The following FREM1 variants were observed in gnomAD, a reference collection of about 807,000 sequenced individuals.
FREM1 encodes the protein FRAS1-related extracellular matrix protein 1.
In FREM1, 220 loss-of-function variants were observed where a neutral mutation model predicts 210.1. The observed-to-expected ratio is 1.05, with a 90% confidence interval of 0.94 to 1.17. FREM1 has a LOEUF of 1.17. Ranked by LOEUF, FREM1 falls within the 50% of genes most tolerant of loss-of-function variation. The pLI is 0.00. For missense variants in FREM1, 3,454 were observed against 2,675.5 expected, an observed-to-expected ratio of 1.29 and a Z score of -6.42; for synonymous variants, 1,189 against 980.2, an observed-to-expected ratio of 1.21 and a Z score of -3.98.
chr9:14,880,723 A>G (rs1834646080), intron 1 of FREM1, among the ~76,000 whole-genome samples: 2 of 152,190 alleles, frequency 1.3e-5, no homozygotes, highest in African/African-American at 4.8e-5. Flanking sequence ...TTTTAAATAT[A>G]TGTAGATAAC....
chr9:14,843,389 C>A (rs1277379569), intron 8 of FREM1, among the ~76,000 whole-genome samples: 1 of 152,190 alleles, frequency 6.6e-6, no homozygotes, highest in Non-Finnish European at 1.5e-5. Context: ...CAGACTAATA[C>A]CCATGACTTC....
chr9:14,772,447 T>C (rs1007424821), intron 25 of FREM1, among the ~76,000 whole-genome samples: 6 of 152,124 alleles, frequency 3.9e-5, no homozygotes, highest in African/African-American at 1.2e-4. Flanking sequence ...CACATGAAGA[T>C]GGAAACAGGC....
chr9:14,764,443 C>CTGGA (rs1266358100), intron 27 of FREM1, among the ~76,000 whole-genome samples: 3 of 152,202 alleles, frequency 2.0e-5, no homozygotes, highest in African/African-American at 7.2e-5. Flanking sequence ...CTGACTTATT[C>CTGGA]TGGATTCTTT....
Position 14,747,254 on chromosome 9 carries a change from A to T in FREM1, c.6009+10T>A. On this transcript the variant is annotated intron_variant, in intron 33 of 36. Coordinates refer to ENST00000380880, the MANE Select transcript of FREM1 (RefSeq NM_001379081.2). ...ATAAGGTGAGTAAGAAGGAACAAAG[A>T]TTTTCATACCTGTCTGGGGAAGTGT... 1 of 1,607,410 alleles carries T rather than the reference A, an allele frequency of 6.2e-7. No homozygotes were observed. Among genetic ancestry groups the T allele is most frequent in the South Asian group, 1.1e-5 (1 of 89,776 alleles).
intron 1 of FREM1, among the ~76,000 whole-genome samples, chr9:14,883,000 C>T (rs78955599): frequency 0.054 from 7,941 of 147,186 alleles, 243 homozygotes; most frequent in East Asian, 0.14. Flanking sequence ...TTCTTAATTA[C>T]AAACCCCCAT....
chr9:14,877,041 T>TG (rs1225206224), intron 1 of FREM1, among the ~76,000 whole-genome samples: 3 of 152,200 alleles, frequency 2.0e-5, no homozygotes, highest in Non-Finnish European at 4.4e-5. Flanking sequence ...GCAGTCCTCT[T>TG]ATCTCACTCT....
At position 14,814,807 on chromosome 9, in the gene FREM1, A is replaced by C. The variant is rs139513599; in HGVS notation, c.2641-1743T>G. Among the ~76,000 whole-genome samples, 646 of 152,232 alleles carry C rather than the reference A, an allele frequency of 4.2e-3. 8 individuals carry two copies. Among genetic ancestry groups the C allele is most frequent in the African/African-American group, 0.015 (603 of 41,538 alleles). ...TCTGGGTAAAAAAAAAATCACAAAC[A>C]CTTGTCAAAAAATTGGCTGTGCCTC... On this transcript the variant is annotated intron_variant, in intron 15 of 36. Coordinates refer to ENST00000380880, the MANE Select transcript of FREM1 (RefSeq NM_001379081.2).
At chr9:14,782,634 C>G (rs1245405893) in intron 24 of FREM1, among the ~76,000 whole-genome samples, 1 of 152,222 alleles carries the variant, frequency 6.6e-6, no homozygotes. Context: ...CTCTTGGTAA[C>G]TCCTTTCCTC....
chr9:14,896,011 C>A (rs1457297614), intron 1 of FREM1, among the ~76,000 whole-genome samples: 1 of 152,104 alleles, frequency 6.6e-6, no homozygotes, highest in Non-Finnish European at 1.5e-5. Context: ...GGCTGCATTC[C>A]TAGATGGTTA....
intron 19 of FREM1, among the ~76,000 whole-genome samples, chr9:14,803,371 T>C (rs1414879150): frequency 7.3e-6 from 1 of 137,514 alleles, no homozygotes; most frequent in Non-Finnish European, 1.6e-5. Context: ...TTTCCATCCT[T>C]CCTTCCTTCC....
chr9:14,748,781 CA>C, intron 30 of FREM1, 142 bp from the exon 31 acceptor site: 3 of 615,770 alleles, frequency 4.9e-6, no homozygotes, highest in Non-Finnish European at 8.6e-6. Flanking sequence ...TGCCATTTGC[CA>C]GAAACTCCTT....
intron 13 of FREM1, among the ~76,000 whole-genome samples, chr9:14,822,574 G>A (rs1468626146): frequency 6.6e-6 from 1 of 152,262 alleles, no homozygotes; most frequent in East Asian, 1.9e-4. Flanking sequence ...AGGTGGGCAG[G>A]GGAACCGGGT....
At chr9:14,741,626 G>C (rs1841595094) in intron 35 of FREM1, among the ~76,000 whole-genome samples, 1 of 152,104 alleles carries the variant, frequency 6.6e-6, no homozygotes, top group Non-Finnish European at 1.5e-5. Context: ...ATGAAACTTG[G>C]GTTAAATATA....
At chr9:14,783,873 C>T (rs1241051841) in intron 24 of FREM1, among the ~76,000 whole-genome samples, 1 of 152,168 alleles carries the variant, frequency 6.6e-6, no homozygotes, top group African/African-American at 2.4e-5. Context: ...TACCAGAACA[C>T]ATTGTGTCAA....
chr9:14,826,443 C>T (rs910008360), intron 10 of FREM1, among the ~76,000 whole-genome samples: 1 of 152,188 alleles, frequency 6.6e-6, no homozygotes, highest in Non-Finnish European at 1.5e-5. Context: ...TCTAATTATA[C>T]ACAATGGACT....
intron 20 of FREM1, among the ~76,000 whole-genome samples, 181 bp from the exon 21 acceptor site, chr9:14,797,823 CTT>C (rs1268194690): frequency 6.6e-6 from 1 of 152,036 alleles, no homozygotes; most frequent in East Asian, 1.9e-4. Context: ...CTATTAAAGA[CTT>C]TTTATTTAAA....
rs376644135 is a variant in FREM1, at chr9:14,769,716, G to T, written c.5204+8C>A. 1.9e-6 allele frequency: 3 copies of T among 1,611,474 alleles called. No individual in the cohort carries two copies. Among genetic ancestry groups the T allele is most frequent in the Non-Finnish European group, 2.5e-6 (3 of 1,178,596 alleles). On this transcript the variant is annotated splice_region_variant and intron_variant, in intron 27 of 36. Transcript: ENST00000380880. ...ATATAGGACTACTGAATAAGCAAGA[G>T]AATTTACATTTGAGGAGTGGCCGAG...
chr9:14,871,625 G>C (rs1832698831), intron 1 of FREM1, among the ~76,000 whole-genome samples: 1 of 152,120 alleles, frequency 6.6e-6, no homozygotes, highest in Non-Finnish European at 1.5e-5. Flanking sequence ...TCTGATGGTA[G>C]TTTCTTTTGC....
In FREM1 at chr9:14,869,027, A is replaced by C; in HGVS notation, c.-50T>G. 5.4e-6 allele frequency: 7 copies of C among 1,303,806 alleles called. No individual in the cohort carries two copies. Among genetic ancestry groups the C allele is most frequent in the Non-Finnish European group, 7.3e-6 (7 of 954,192 alleles). The allele number at this position is 1,303,806 out of a possible 1,614,324, so 80.8% of individuals were successfully genotyped here. On this transcript the variant is annotated 5_prime_UTR_variant, in exon 2 of 37. Coordinates refer to ENST00000380880, the MANE Select transcript of FREM1 (RefSeq NM_001379081.2). Reference sequence around the variant, plus strand: ...GTCCACCGGCGAAATCCCTTTAACAAAGGAGGGCTTCTGTGCTTCCTCCTG... The same window carrying C: ...GTCCACCGGCGAAATCCCTTTAACACAGGAGGGCTTCTGTGCTTCCTCCTG...
Sources: gnomAD v4.1 joint callset for allele counts (sites outside exome capture counted in the v4.1 genomes callset) on GRCh38, gnomAD v4.1.1 for gene constraint, MANE v1.5 for transcripts, NCBI Gene and HGNC (gene_info 2026-07-23, HGNC 2026-07-21) for gene names.